ASAH1: variants seen among roughly 807,000 people sequenced by gnomAD.
ASAH1 encodes the protein acid ceramidase.
ASAH1 carries 70 observed loss-of-function variants against 59.5 expected under a neutral mutation model. The observed-to-expected ratio is 1.18, with a 90% CI of 0.97 to 1.43. The LOEUF is 1.43. Among genes scored for constraint, ASAH1 ranks in the 40% most tolerant of loss-of-function variants. The pLI, the probability that ASAH1 is intolerant of heterozygous loss-of-function variation, is 0.00. For synonymous variants in ASAH1, 213 were observed against 166.5 expected (o/e 1.28, Z -2.15); for missense variants, 660 against 482.5 (o/e 1.37, Z -3.45).
intron 5 of ASAH1, 24 bp downstream of exon 5, chr8:18,067,196 T>C (rs1799965978): frequency 2.0e-6 from 3 of 1,520,996 alleles, no homozygotes; most frequent in African/African-American, 1.4e-5. Context: ...ACTTTTTTTT[T>C]TAAAGCTTCT....
chr8:18,064,559 T>C lies in ASAH1; in HGVS notation c.383-28A>G, dbSNP rs748259954. The stretch of plus-strand genomic sequence containing the variant: ...ATGAGAAAAGAAAATTTTGTGTTAA[T>C]ATACAGAACCATGACAATGGGAGAA... On this transcript the variant is annotated intron_variant, in intron 5 of 13. Transcript: ENST00000637790. 4.7e-6 allele frequency: 6 copies of C among 1,280,812 alleles called. No homozygotes were observed. In the African/African-American group the frequency reaches 6.0e-5, roughly 13 times the overall value. The allele number at this position is 1,280,812 out of a possible 1,614,324, so 79.3% of individuals were successfully genotyped here. A position where few individuals can be genotyped will look rare whatever the true frequency, so the allele number is the denominator to read the frequency against.
rs1309288536 is a variant in ASAH1, at chr8:18,075,524, A to C, written c.125+17T>G. 6.2e-7 allele frequency: 1 copy of C among 1,613,874 alleles called. No individual in the cohort carries two copies. Among genetic ancestry groups the C allele is most frequent in the Admixed American group, 1.7e-5 (1 of 60,030 alleles). On this transcript the variant is annotated intron_variant, in intron 2 of 13. Coordinates refer to ENST00000637790, the MANE Select transcript of ASAH1 (RefSeq NM_177924.5). The stretch of plus-strand genomic sequence containing the variant: ...ACAAAGGTCAAAGGGAGTTTTGATC[A>C]TCTGATGTTTACTCACGTTGGTCCT...
At position 18,062,289 on chromosome 8, in the gene ASAH1, C is replaced by CTT. The variant is rs1564538211; in HGVS notation, c.637_638insAA (p.Gly213GlufsTer12). 2 of 1,614,206 alleles carry CTT rather than the reference C, an allele frequency of 1.2e-6. No individual in the cohort carries two copies. The highest frequency in any genetic ancestry group is 1.7e-6 in the Non-Finnish European group (2 of 1,180,040). On this transcript the variant is annotated frameshift_variant, in exon 8 of 14. Transcript: ENST00000637790. LOFTEE classifies it high-confidence loss of function. Reference sequence around the variant, plus strand: ...CAACAGACTCCTTACTGGTTTGAATCCTGTTAACATGCCCACATAGCCAGC... The same window carrying CTT: ...CAACAGACTCCTTACTGGTTTGAATCTTCTGTTAACATGCCCACATAGCCAGC...
chr8:18,061,552 G>C lies in ASAH1; in HGVS notation c.704-94C>G, dbSNP rs1799700164. 1.2e-5 allele frequency: 17 copies of C among 1,438,862 alleles called. No individual in the cohort carries two copies. The South Asian group carries it at 2.0e-4, about 17-fold the overall frequency. 89.1% of individuals were successfully genotyped at this position (1,438,862 alleles called of 1,614,324 possible). The stretch of plus-strand genomic sequence containing the variant: ...GAGGCTGGACTATATAACCAGTCAG[G>C]AACCAGAAGAGGTTAGACTTTGTAA... On this transcript the variant is annotated intron_variant, in intron 9 of 13. Coordinates refer to ENST00000637790, the MANE Select transcript of ASAH1 (RefSeq NM_177924.5).
chr8:18,083,687 G>C (rs1406777386), intron 1 of ASAH1, among the ~76,000 whole-genome samples: 5 of 152,340 alleles, frequency 3.3e-5, no homozygotes, highest in Admixed American at 6.5e-5. Context: ...CCTGGAACTG[G>C]TTATTCAAGT....
At chr8:18,072,519 C>T (rs547509775) in intron 2 of ASAH1, among the ~76,000 whole-genome samples, 4 of 130,344 alleles carry the variant, frequency 3.1e-5, no homozygotes, top group African/African-American at 5.3e-5. Context: ...AAAGTATATT[C>T]GATTTTGGAA....
rs1248074756 is a variant in ASAH1 at position 18,069,809 on chromosome 8, C to T, written c.286G>A (p.Val96Met). ...TFVPSGKIMQ[V>M]VDEKLPGLLG... is the part of the protein sequence containing the mutation. Reference sequence around the variant, plus strand: ...TCTCTTACCAATTTTTCATCCACCACCTGCATAATTTTTCCACTTGGCACG... The same window carrying T: ...TCTCTTACCAATTTTTCATCCACCATCTGCATAATTTTTCCACTTGGCACG... The change falls in exon 4 of 14, where the codon GTG becomes ATG. Residue 96 changes from valine (V) to methionine (M), a missense_variant. Transcript: ENST00000637790. 1.9e-6 allele frequency: 3 copies of T among 1,583,460 alleles called. No individual in the cohort carries two copies. The highest frequency in any genetic ancestry group is 2.2e-5 in the South Asian group (2 of 90,356).
upstream of ASAH1, chr8:18,084,790 G>A (rs191092536): frequency 3.1e-5 from 50 of 1,613,620 alleles, no homozygotes; most frequent in Admixed American, 5.0e-5. Flanking sequence ...CCAGCCCGAT[G>A]CAGCAGTTCA....
intron 2 of ASAH1, chr8:18,073,289 T>C: frequency 1.3e-6 from 2 of 1,573,000 alleles, no homozygotes; most frequent in Non-Finnish European, 1.7e-6. Context: ...ATATGAAAAA[T>C]GCAAAAATAA....
chr8:18,075,843 T>C (rs1800382395), intron 1 of ASAH1: 5 of 521,176 alleles, frequency 9.6e-6, no homozygotes, highest in South Asian at 6.4e-5. Context: ...TTCAAATATA[T>C]TGAGTAACGA....
chr8:18,073,175 T>G, intron 2 of ASAH1: 4 of 1,307,536 alleles, frequency 3.1e-6, no homozygotes, highest in Non-Finnish European at 4.3e-6. Context: ...ACATTTTACC[T>G]CTCGTTAAAC....
rs1276095633 is a variant in ASAH1 at position 18,075,813 on chromosome 8, T to G, written c.79-226A>C. On this transcript the variant is annotated intron_variant, in intron 1 of 13. Transcript: ENST00000637790. ...ATTCAATTTGTAAAAGTGCTAGGTGTTATAATTTGGCTCTAATATTTCAAA... is the reference window on the plus strand; with the variant it reads ...ATTCAATTTGTAAAAGTGCTAGGTGGTATAATTTGGCTCTAATATTTCAAA... The G allele has an allele frequency of 4.2e-5, 24 of 569,664 alleles. No individual in the cohort carries two copies. The South Asian group carries it at 5.0e-4, about 12-fold the overall frequency. The allele number at this position is 569,664 out of a possible 1,614,324, so 35.3% of individuals were successfully genotyped here.
chr8:18,071,366 G>A lies in ASAH1; in HGVS notation c.150C>T (p.Tyr50=), dbSNP rs1287455430. 1 of 1,600,488 alleles carries A rather than the reference G, an allele frequency of 6.2e-7. No individual in the cohort carries two copies. The highest frequency in any genetic ancestry group is 8.5e-7 in the Non-Finnish European group (1 of 1,170,732). Residue 50 remains tyrosine (Y), a synonymous_variant, in exon 3 of 14, where the codon TAC becomes TAT. Coordinates refer to ENST00000637790, the MANE Select transcript of ASAH1 (RefSeq NM_177924.5). ...AGGGTGGTAAGTCAAGATTTATGGT[G>A]TACCATGGAACTGCACCTCTGTACC... ...GPTYRGAVPW[Y]TINLDLPPYK...
Position 18,059,479 on chromosome 8 carries a change from AG to A in ASAH1, c.918-16del. 6.2e-7 allele frequency: 1 copy of A among 1,614,198 alleles called. No homozygotes were observed. The highest frequency in any genetic ancestry group is 8.5e-7 in the Non-Finnish European group (1 of 1,180,040). On this transcript the variant is annotated splice_polypyrimidine_tract_variant and intron_variant, in intron 11 of 13. Coordinates refer to ENST00000637790, the MANE Select transcript of ASAH1 (RefSeq NM_177924.5). ...TAGCATCGAGTCTAGATACAAAAGGAGAGATTCCCTCTTAGGCTACATGCCT... is the reference window on the plus strand; with the variant it reads ...TAGCATCGAGTCTAGATACAAAAGGAAGATTCCCTCTTAGGCTACATGCCT...
chr8:18,072,570 T>C (rs1338180290), intron 2 of ASAH1, among the ~76,000 whole-genome samples: 1 of 152,234 alleles, frequency 6.6e-6, no homozygotes, highest in African/African-American at 2.4e-5. Flanking sequence ...AATTTTGTTC[T>C]TCTCAAAGCA....
upstream of ASAH1, chr8:18,084,671 C>G: frequency 6.2e-7 from 1 of 1,613,386 alleles, no homozygotes; most frequent in Non-Finnish European, 8.5e-7. Context: ...CTGTTGGTTA[C>G]CCACTTGGGC....
At chr8:18,071,643 G>GA (rs1451147354) in intron 2 of ASAH1, among the ~76,000 whole-genome samples, 2 of 151,898 alleles carry the variant, frequency 1.3e-5, no homozygotes, top group East Asian at 1.9e-4. Context: ...GGTTTTCTAT[G>GA]AAAAAATCAA....
At chr8:18,067,014 T>G in intron 5 of ASAH1, 1 of 459,098 alleles carries the variant, frequency 2.2e-6, no homozygotes, top group Non-Finnish European at 3.9e-6. Flanking sequence ...CGTGGAGTGC[T>G]GGGCTCTTCC....
In ASAH1 at chr8:18,061,881, C is replaced by T. The variant is rs918367132; in HGVS notation, c.649-141G>A. 3 of 852,072 alleles carry T rather than the reference C, an allele frequency of 3.5e-6. No homozygotes were observed. In the African/African-American group the frequency reaches 5.1e-5, roughly 14 times the overall value. 52.8% of individuals were successfully genotyped at this position (852,072 alleles called of 1,614,324 possible). On this transcript the variant is annotated intron_variant, in intron 8 of 13. Transcript: ENST00000637790. ...AAAAATAAATCAAAACCATAAAAGG[C>T]TTTTTAAAAAGTTCAAAGCATTTTT...
Sources: allele counts gnomAD v4.1 joint callset (sites outside exome capture counted in the v4.1 genomes callset), GRCh38; gene constraint gnomAD v4.1.1; transcripts MANE v1.5; gene names NCBI Gene and HGNC (gene_info 2026-07-23, HGNC 2026-07-21).